ADGRB3: variants seen among roughly 807,000 people sequenced by gnomAD.
ADGRB3 encodes adhesion G protein-coupled receptor B3, also known as brain-specific angiogenesis inhibitor 3.
In ADGRB3, 37 loss-of-function variants were observed where a neutral mutation model predicts 193.4. That is an observed-to-expected ratio of 0.19 (90% confidence interval 0.15 to 0.25). ADGRB3 has a LOEUF of 0.25. Among genes scored for constraint, ADGRB3 ranks in the 10% least tolerant of loss-of-function variants. The pLI, the probability that ADGRB3 is intolerant of heterozygous loss-of-function variation, is 1.00. For missense variants in ADGRB3, 1,637 were observed against 1,852.9 expected (o/e 0.88, Z 2.14); for synonymous variants, 690 against 644.2 (o/e 1.07, Z -1.08).
At chr6:68,770,083 C>T (rs1352095463) in intron 3 of ADGRB3, among the ~76,000 whole-genome samples, 1 of 152,098 alleles carries the variant, frequency 6.6e-6, no homozygotes, top group Non-Finnish European at 1.5e-5. Context: ...AAAAAGAAAT[C>T]TGTGTACTTT....
At chr6:69,319,497 A>C (rs10485251) in intron 20 of ADGRB3, among the ~76,000 whole-genome samples, 34,317 of 151,052 alleles carry the variant, frequency 0.23, 4,485 homozygotes, top group African/African-American at 0.35. Context: ...CAATATTATT[A>C]TTTCCTCCAT....
chr6:68,976,999 C>G (rs1768769873), intron 10 of ADGRB3, among the ~76,000 whole-genome samples: 3 of 147,606 alleles, frequency 2.0e-5, no homozygotes, highest in Non-Finnish European at 3.0e-5. Flanking sequence ...ATTTATATAT[C>G]ATATAATATG....
intron 3 of ADGRB3, among the ~76,000 whole-genome samples, chr6:68,725,376 T>C (rs909373226): frequency 2.6e-5 from 4 of 151,632 alleles, no homozygotes; most frequent in African/African-American, 9.7e-5. Flanking sequence ...GAAAATTGGT[T>C]TGATAGAAGA....
intron 17 of ADGRB3, among the ~76,000 whole-genome samples, chr6:69,101,606 C>T (rs1257779073): frequency 6.6e-6 from 1 of 151,604 alleles, no homozygotes; most frequent in East Asian, 1.9e-4. Context: ...CTGTGAAAGA[C>T]ATAAATTTTA....
intron 17 of ADGRB3, among the ~76,000 whole-genome samples, chr6:69,076,476 C>G (rs1772236263): frequency 6.6e-6 from 1 of 151,958 alleles, no homozygotes; most frequent in Non-Finnish European, 1.5e-5. Context: ...ATGGTCCCTC[C>G]AAATTGTTTT....
chr6:68,950,176 C>T (rs889368680), intron 6 of ADGRB3, among the ~76,000 whole-genome samples: 3 of 152,084 alleles, frequency 2.0e-5, no homozygotes, highest in Admixed American at 6.6e-5. Context: ...ACCTCAGCCT[C>T]TTGAGTAGCT....
At chr6:69,257,882 T>C (rs903340127) in intron 20 of ADGRB3, among the ~76,000 whole-genome samples, 3 of 152,222 alleles carry the variant, frequency 2.0e-5, no homozygotes, top group Admixed American at 6.5e-5. Flanking sequence ...TCATGCAGTG[T>C]AGCTCATCAC....
At chr6:68,640,303 C>T (rs2127274997) in intron 3 of ADGRB3, among the ~76,000 whole-genome samples, 1 of 152,208 alleles carries the variant, frequency 6.6e-6, no homozygotes, top group Admixed American at 6.5e-5. Context: ...AACGGAAATG[C>T]GGAAGAAAAA....
chr6:69,190,126 G>A (rs1765157439), intron 17 of ADGRB3, among the ~76,000 whole-genome samples: 1 of 151,996 alleles, frequency 6.6e-6, no homozygotes, highest in African/African-American at 2.4e-5. Context: ...ATATTGTACT[G>A]TTTATCATTA....
intron 3 of ADGRB3, among the ~76,000 whole-genome samples, chr6:68,916,373 A>T (rs1766879821): frequency 1.3e-5 from 2 of 152,176 alleles, no homozygotes; most frequent in African/African-American, 4.8e-5. Context: ...CAATGAAAAT[A>T]ATCTTTCTCC....
intron 20 of ADGRB3, among the ~76,000 whole-genome samples, chr6:69,305,731 C>T (rs1440986456): frequency 6.6e-6 from 1 of 151,320 alleles, no homozygotes; most frequent in East Asian, 1.9e-4. Context: ...ATAATCCACA[C>T]TGGGCTCTTT....
chr6:69,208,698 G>A (rs1023009131), intron 17 of ADGRB3, among the ~76,000 whole-genome samples: 2 of 152,184 alleles, frequency 1.3e-5, no homozygotes, highest in African/African-American at 4.8e-5. Context: ...GCAGGCGAGG[G>A]GAGAGAAGGC....
At chr6:68,702,343 C>T (rs1209646291) in intron 3 of ADGRB3, among the ~76,000 whole-genome samples, 2 of 152,210 alleles carry the variant, frequency 1.3e-5, no homozygotes, top group South Asian at 4.2e-4. Flanking sequence ...AAATCTGTCC[C>T]CATGATCCAA....
In ADGRB3 at chr6:69,018,355, T is replaced by A. The variant is rs1334821090; in HGVS notation, c.1999-36T>A. 4 of 1,393,462 alleles carry A rather than the reference T, an allele frequency of 2.9e-6. No homozygotes were observed. The African/African-American group carries it at 5.8e-5, about 20-fold the overall frequency. The allele number at this position is 1,393,462 out of a possible 1,614,324, so 86.3% of individuals were successfully genotyped here. A position where few individuals can be genotyped will look rare whatever the true frequency, so the allele number is the denominator to read the frequency against. ...TTATATATGCCATTGTATGTATAGA[T>A]TTTTTATTCCTTCTAACCTTTGCTT... On this transcript the variant is annotated intron_variant, in intron 12 of 31. Coordinates refer to ENST00000370598, the MANE Select transcript of ADGRB3 (RefSeq NM_001704.3).
chr6:69,024,976 C>G (rs1286081861), intron 13 of ADGRB3, among the ~76,000 whole-genome samples: 1 of 151,822 alleles, frequency 6.6e-6, no homozygotes, highest in East Asian at 1.9e-4. Context: ...CCTGTAGTCC[C>G]AGCTACTTGG....
chr6:68,715,082 T>G (rs1265601424), intron 3 of ADGRB3, among the ~76,000 whole-genome samples: 1 of 151,836 alleles, frequency 6.6e-6, no homozygotes, highest in Non-Finnish European at 1.5e-5. Context: ...ACAAAAGACT[T>G]TGAAACTATT....
In ADGRB3 at chr6:69,382,918, C is replaced by T. The variant is rs756144953; in HGVS notation, c.4363C>T (p.Pro1455Ser). 3 of 1,604,008 alleles carry T rather than the reference C, an allele frequency of 1.9e-6. No homozygotes were observed. The highest frequency in any genetic ancestry group is 1.3e-5 in the African/African-American group (1 of 74,490). ...FQTLDRFRDI[P>S]NTSSMENPAP... ...AACTTTGGACAGATTTCGGGATATA[C>T]CAAATACAAGCAGTATGGTAAGTAT... is the stretch of plus-strand genomic sequence containing the variant. The change falls in exon 31 of 32, where the codon CCA (proline) becomes TCA (serine). Residue 1455 changes from proline (P) to serine (S), a missense_variant. Around this residue, in one of 7 missense-constraint regions of ADGRB3, gnomAD observed 368 missense variants for 367.4 expected, o/e 1.00. Transcript: ENST00000370598.
chr6:69,346,646 C>T (rs1769093946), intron 26 of ADGRB3, among the ~76,000 whole-genome samples: 1 of 152,178 alleles, frequency 6.6e-6, no homozygotes, highest in Non-Finnish European at 1.5e-5. Flanking sequence ...ATCAAAACCT[C>T]AGTGAGATAC....
At chr6:68,657,136 C>A (rs1270259692) in intron 3 of ADGRB3, among the ~76,000 whole-genome samples, 1 of 151,110 alleles carries the variant, frequency 6.6e-6, no homozygotes, top group African/African-American at 2.4e-5. Context: ...GACAAGCAGC[C>A]TAAAAATAAA....
Sources: allele counts gnomAD v4.1 joint callset (sites outside exome capture counted in the v4.1 genomes callset), GRCh38; gene constraint gnomAD v4.1.1; regional missense constraint gnomAD v4.1.1; transcripts MANE v1.5; gene names NCBI Gene and HGNC (gene_info 2026-07-23, HGNC 2026-07-21).